Variants in FBXO21 observed in about 807,000 individuals in gnomAD.
FBXO21 encodes the protein F-box protein 21.
Under a neutral mutation model 76.6 loss-of-function variants are expected in FBXO21, and 32 were observed. That is an observed-to-expected ratio of 0.42 (90% CI 0.32 to 0.56). The LOEUF (loss-of-function observed/expected upper bound fraction) is 0.56. Ranked by LOEUF, FBXO21 falls within the 20% of genes least tolerant of loss-of-function variation. The pLI is 0.16. For synonymous variants in FBXO21, 328 were observed against 311.5 expected (o/e 1.05, Z -0.56); for missense variants, 586 against 797.3 (o/e 0.73, Z 3.19).
rs767028740 is a variant in FBXO21 at position 117,155,651 on chromosome 12, C to T, written c.1675+140G>A. 1.6e-5 allele frequency: 15 copies of T among 943,806 alleles called. No homozygotes were observed. In the South Asian group the frequency reaches 2.4e-4, roughly 15 times the overall value. 58.5% of individuals were successfully genotyped at this position (943,806 alleles called of 1,614,324 possible). ...CCAGCCACGTTTAGCTGACTGTGGG[C>T]CCGAAGGAGGCCGGCCATGGGGCGT... On this transcript the variant is annotated intron_variant, in intron 11 of 11. Transcript: ENST00000622495.
At chr12:117,178,609 A>G (rs1170260624) in intron 3 of FBXO21, among the ~76,000 whole-genome samples, 1 of 151,938 alleles carries the variant, frequency 6.6e-6, no homozygotes, top group Non-Finnish European at 1.5e-5. Flanking sequence ...CCCTCAGTCC[A>G]GCCACCCAAG....
intron 3 of FBXO21, among the ~76,000 whole-genome samples, chr12:117,178,811 GATT>G (rs1956201657): frequency 6.6e-6 from 1 of 151,868 alleles, no homozygotes; most frequent in Admixed American, 6.6e-5. Flanking sequence ...CTTCTTCCCC[GATT>G]ATATTTCTCT....
At chr12:117,170,823 T>C (rs1956110285) in intron 7 of FBXO21, among the ~76,000 whole-genome samples, 1 of 152,218 alleles carries the variant, frequency 6.6e-6, no homozygotes. Context: ...CAGAAATCTT[T>C]GGTGGATTAT....
chr12:117,144,414 A>C lies in FBXO21; in HGVS notation c.*1673T>G, dbSNP rs1261056141. On this transcript the variant is annotated 3_prime_UTR_variant, in exon 12 of 12. Coordinates refer to ENST00000622495, the MANE Select transcript of FBXO21 (RefSeq NM_015002.3). ...ACATGGACAGTGGATTAAATAGCTC[A>C]TTCAGGCTGGAGGAGCCAGGGGCCA... is the stretch of plus-strand genomic sequence containing the variant. The C allele has an allele frequency of 2.6e-5, 4 of 152,196 alleles. No individual in the cohort carries two copies. Among genetic ancestry groups the C allele is most frequent in the African/African-American group, 4.8e-5 (2 of 41,452 alleles). The allele number at this position is 152,196 out of a possible 1,614,324, so 9.4% of individuals were successfully genotyped here.
chr12:117,180,910 C>T (rs988781593), intron 3 of FBXO21, among the ~76,000 whole-genome samples: 1 of 152,080 alleles, frequency 6.6e-6, no homozygotes, highest in African/African-American at 2.4e-5. Context: ...TGGGATTACT[C>T]ATCACTTTTA....
chr12:117,156,815 C>T (rs544932806), intron 10 of FBXO21, among the ~76,000 whole-genome samples: 3 of 152,210 alleles, frequency 2.0e-5, no homozygotes, highest in East Asian at 1.9e-4. Flanking sequence ...TGCAACTTAT[C>T]GTCATGTAGA....
chr12:117,185,236 C>A (rs1179587509), intron 3 of FBXO21, among the ~76,000 whole-genome samples: 1 of 151,336 alleles, frequency 6.6e-6, no homozygotes, highest in Non-Finnish European at 1.5e-5. Flanking sequence ...TATAGATAAA[C>A]CAAAATAGAA....
At chr12:117,186,705 T>G (rs1182300715) in intron 2 of FBXO21, 134 bp from the exon 3 acceptor site, 2 of 579,816 alleles carry the variant, frequency 3.4e-6, no homozygotes, top group East Asian at 5.7e-5. Context: ...TACCTTGCAC[T>G]ACCAGTCATG....
chr12:117,153,692 C>T (rs572698514), intron 11 of FBXO21, among the ~76,000 whole-genome samples: 1 of 152,216 alleles, frequency 6.6e-6, no homozygotes, highest in Non-Finnish European at 1.5e-5. Context: ...CCTCAGGAAG[C>T]GCTTGCTGAC....
chr12:117,189,842 G>A (rs1189956463), intron 1 of FBXO21, among the ~76,000 whole-genome samples: 1 of 152,198 alleles, frequency 6.6e-6, no homozygotes, highest in Admixed American at 6.5e-5. Context: ...GCTGAAATCT[G>A]TGCCGTCCAC....
chr12:117,157,119 T>A (rs1592873251), intron 10 of FBXO21, among the ~76,000 whole-genome samples: 1 of 151,294 alleles, frequency 6.6e-6, no homozygotes, highest in African/African-American at 2.4e-5. Context: ...GAGGCAGAGG[T>A]TGCAGGTGAG....
rs141160946 is a variant in FBXO21 at position 117,189,272 on chromosome 12, C to T, written c.330G>A (p.Ala110=). The T allele has an allele frequency of 3.7e-6, 6 of 1,614,196 alleles. No homozygotes were observed. Among genetic ancestry groups the T allele is most frequent in the African/African-American group, 2.7e-5 (2 of 75,050 alleles). Residue 110 remains alanine (A), a synonymous_variant, in exon 2 of 12, where the codon GCG becomes GCA. Transcript: ENST00000622495. ...YKVRQKAGLE[A]RKIVASFSKR... ...TTGAGAACGAGGCTACAATCTTCCG[C>T]GCTTCTAACCCAGCTTTTTGCCGAA...
chr12:117,152,540 A>G (rs572928756), intron 11 of FBXO21, among the ~76,000 whole-genome samples: 197 of 151,336 alleles, frequency 1.3e-3, no homozygotes, highest in African/African-American at 4.1e-3. Context: ...GGGGGGAAAA[A>G]AAATGAAGAA....
intron 6 of FBXO21, among the ~76,000 whole-genome samples, chr12:117,173,952 T>G (rs1566004249): frequency 6.6e-6 from 1 of 152,124 alleles, no homozygotes; most frequent in Non-Finnish European, 1.5e-5. Flanking sequence ...GAGACCAGGC[T>G]GGGCAACATA....
At chr12:117,186,792 T>C (rs1956287501) in intron 2 of FBXO21, among the ~76,000 whole-genome samples, 2 of 152,212 alleles carry the variant, frequency 1.3e-5, no homozygotes, top group Admixed American at 6.5e-5. Context: ...TTTCATAGAC[T>C]GGAATTTCTG....
chr12:117,172,394 T>C (rs1440534570), intron 7 of FBXO21, 77 bp downstream of exon 7: 3 of 1,517,352 alleles, frequency 2.0e-6, no homozygotes, highest in Non-Finnish European at 2.7e-6. Context: ...CCCAACTTGA[T>C]GATGAAAATC....
intron 9 of FBXO21, among the ~76,000 whole-genome samples, chr12:117,161,779 G>C (rs148192968): frequency 8.6e-4 from 131 of 152,298 alleles, no homozygotes; most frequent in Middle Eastern, 6.8e-3. Context: ...CACAGGTGCA[G>C]GGTAGAAGAC....
At chr12:117,164,275 T>C (rs1311963455) in intron 9 of FBXO21, among the ~76,000 whole-genome samples, 2 of 53,086 alleles carry the variant, frequency 3.8e-5, no homozygotes, top group East Asian at 6.1e-4. Context: ...TTTTCTTTTC[T>C]TTTTTTTTTT....
Position 117,190,373 on chromosome 12 carries a change from G to A in FBXO21, c.84C>T (p.Ser28=). ...CCTCACCCGGCAGGTTGACGAGGCA[G>A]CTGAGGCCCGCTACCTCCGGCGCGG... ...EEAAPEVAGL[S]CLVNLPGEVL... is the part of the protein sequence containing the mutation. The change falls in exon 1 of 12, where the codon AGC becomes AGT. Residue 28 remains serine (S), a synonymous_variant. Coordinates refer to ENST00000622495, the MANE Select transcript of FBXO21 (RefSeq NM_015002.3). 1 of 1,516,042 alleles carries A rather than the reference G, an allele frequency of 6.6e-7. No homozygotes were observed. The highest frequency in any genetic ancestry group is 2.8e-5 in the East Asian group (1 of 36,360). The allele number at this position is 1,516,042 out of a possible 1,614,324, so 93.9% of individuals were successfully genotyped here. A position where few individuals can be genotyped will look rare whatever the true frequency, so the allele number is the denominator to read the frequency against.
Sources: gnomAD v4.1 joint callset for allele counts (sites outside exome capture counted in the v4.1 genomes callset) on GRCh38, gnomAD v4.1.1 for gene constraint, MANE v1.5 for transcripts, NCBI Gene and HGNC (gene_info 2026-07-23, HGNC 2026-07-21) for gene names.